Variants in CARS1 observed in about 807,000 individuals in gnomAD.
The protein encoded by CARS1 is cysteine--tRNA ligase, cytoplasmic.
Under a neutral mutation model 106.2 loss-of-function variants are expected in CARS1, and 48 were observed. That is an observed-to-expected ratio of 0.45 (90% CI 0.36 to 0.57). The LOEUF (loss-of-function observed/expected upper bound fraction) is 0.57. Ranked by LOEUF, CARS1 falls within the 20% of genes least tolerant of loss-of-function variation. The pLI is 0.00. For missense variants in CARS1, 968 were observed against 1,057.2 expected, an observed-to-expected ratio of 0.92 and a Z score of 1.17; for synonymous variants, 409 against 403.4, an observed-to-expected ratio of 1.01 and a Z score of -0.17.
Position 3,030,873 on chromosome 11 carries a change from C to A in CARS1, c.802-1430G>T, listed in dbSNP as rs956487041. Reference sequence around the variant, plus strand: ...TAACAGGCGAAACAGTCTTATCCATCCTACTGAGTGACTGTTTCACTTCCT... The same window carrying A: ...TAACAGGCGAAACAGTCTTATCCATACTACTGAGTGACTGTTTCACTTCCT... On this transcript the variant is annotated intron_variant, in intron 7 of 22. Transcript: ENST00000380525. The surrounding 1 kb of genome is among the most constrained non-coding windows in gnomAD (Gnocchi z 5.7). 13 of 152,302 alleles carry A rather than the reference C, an allele frequency of 8.5e-5. No homozygotes were observed. The highest frequency in any genetic ancestry group is 1.9e-4 in the Non-Finnish European group (13 of 68,036). 9.4% of individuals were successfully genotyped at this position (152,302 alleles called of 1,614,324 possible). A position where few individuals can be genotyped will look rare whatever the true frequency, so the allele number is the denominator to read the frequency against.
In CARS1 at chr11:3,029,896, G is replaced by C. The variant is rs1852533242; in HGVS notation, c.802-453C>G. 1 of 159,738 alleles carries C rather than the reference G, an allele frequency of 6.3e-6. No individual in the cohort carries two copies. Among genetic ancestry groups the C allele is most frequent in the South Asian group, 1.9e-4 (1 of 5,142 alleles). The allele number at this position is 159,738 out of a possible 1,614,324, so 9.9% of individuals were successfully genotyped here. ...AGATAGGCAGGGCACTGGTCCCAGA[G>C]GTCTCAAAAGCCCCATCTCCCTGAC... On this transcript the variant is annotated intron_variant, in intron 7 of 22. Coordinates refer to ENST00000380525, the MANE Select transcript of CARS1 (RefSeq NM_001014437.3). The surrounding 1 kb of genome is among the most constrained non-coding windows in gnomAD (Gnocchi z 5.9).
rs140852184 is a variant in CARS1, at chr11:3,025,879, C to T, written c.1153+797G>A. The stretch of plus-strand genomic sequence containing the variant: ...GCATCACTCGGCACACATCCCAGCA[C>T]CCCACAATCCCCCTAAACCTCACAT... On this transcript the variant is annotated intron_variant, in intron 10 of 22. Transcript: ENST00000380525. 6.1e-3 allele frequency among the ~76,000 whole-genome samples: 930 copies of T among 152,344 alleles called. 7 individuals are homozygous for T. The highest frequency in any genetic ancestry group is 0.021 in the African/African-American group (886 of 41,580).
In CARS1 at chr11:3,019,016, G is replaced by A. The variant is rs1851309135; in HGVS notation, c.1395+123C>T. 8.3e-7 allele frequency: 1 copy of A among 1,204,848 alleles called. No homozygotes were observed. Among genetic ancestry groups the A allele is most frequent in the Non-Finnish European group, 1.2e-6 (1 of 865,180 alleles). 74.6% of individuals were successfully genotyped at this position (1,204,848 alleles called of 1,614,324 possible). On this transcript the variant is annotated intron_variant, in intron 12 of 22. Transcript: ENST00000380525. This position sits in a 1 kb window ranked among gnomAD's most constrained non-coding sequence, Gnocchi z 6.2. ...ATCAGGGTTCAGATTCCACCCACAA[G>A]CCCCGATGAAGGTGTCAAGTTCTAG...
chr11:3,027,814 G>C (rs1274218913), intron 9 of CARS1: 4 of 454,742 alleles, frequency 8.8e-6, no homozygotes, highest in Non-Finnish European at 1.3e-5. Context: ...AGCGGACTGT[G>C]GTCTAGCGGT....
Position 3,046,967 on chromosome 11 carries a change from T to C in CARS1, c.274+786A>G, listed in dbSNP as rs1018138139. ...ATCATCTCAAAGAGAAAAAATGACT[T>C]ATTTCTGATTTTTAAAAAGTTCAAT... On this transcript the variant is annotated intron_variant, in intron 2 of 22. Transcript: ENST00000380525. The surrounding 1 kb of genome is among the most constrained non-coding windows in gnomAD (Gnocchi z 5.8). Among the ~76,000 whole-genome samples, 1 of 152,006 alleles carries C rather than the reference T, an allele frequency of 6.6e-6. No individual in the cohort carries two copies. The highest frequency in any genetic ancestry group is 1.5e-5 in the Non-Finnish European group (1 of 68,012).
At position 3,052,134 on chromosome 11, in the gene CARS1, G is replaced by C. The variant is rs576818538; in HGVS notation, c.26-4133C>G. Among the ~76,000 whole-genome samples, 1 of 152,348 alleles carries C rather than the reference G, an allele frequency of 6.6e-6. No homozygotes were observed. Among genetic ancestry groups the C allele is most frequent in the South Asian group, 2.1e-4 (1 of 4,834 alleles). On this transcript the variant is annotated intron_variant, in intron 1 of 22. Coordinates refer to ENST00000380525, the MANE Select transcript of CARS1 (RefSeq NM_001014437.3). This position sits in a 1 kb window ranked among gnomAD's most constrained non-coding sequence, Gnocchi z 4.6. ...AACATCAAATGTCCTAACGGCGGCTGCAGTGGCTTTTGAGCGCTGAGGAAG... is the reference window on the plus strand; with the variant it reads ...AACATCAAATGTCCTAACGGCGGCTCCAGTGGCTTTTGAGCGCTGAGGAAG...
chr11:3,019,656 C>G lies in CARS1; in HGVS notation c.1267-389G>C, dbSNP rs868184776. ...ACTAGGAGGCAGAGGTTGCAGTGAG[C>G]TGAGATCGCGCCACTGCACTCCAGC... On this transcript the variant is annotated intron_variant, in intron 11 of 22. Coordinates refer to ENST00000380525, the MANE Select transcript of CARS1 (RefSeq NM_001014437.3). This position sits in a 1 kb window ranked among gnomAD's most constrained non-coding sequence, Gnocchi z 6.2. Among the ~76,000 whole-genome samples the G allele has an allele frequency of 2.0e-5, 3 of 151,432 alleles. No individual in the cohort carries two copies. The South Asian group carries it at 6.3e-4, about 32-fold the overall frequency.
At chr11:3,042,505 A>C (rs760450338) in intron 2 of CARS1, among the ~76,000 whole-genome samples, 79 of 150,926 alleles carry the variant, frequency 5.2e-4, no homozygotes, top group Non-Finnish European at 9.8e-4. Flanking sequence ...GCTCACTGCA[A>C]GCTCTGCCTC....
chr11:3,041,244 A>C lies in CARS1; in HGVS notation c.367-260T>G. On this transcript the variant is annotated intron_variant, in intron 3 of 22. Coordinates refer to ENST00000380525, the MANE Select transcript of CARS1 (RefSeq NM_001014437.3). The surrounding 1 kb of genome is among the most constrained non-coding windows in gnomAD (Gnocchi z 4.9). ...ACTCATCTATGGAGGGAGGCGATAA[A>C]GGGAATCAATGATTTTATTGATTGT... 2.0e-6 allele frequency: 1 copy of C among 498,522 alleles called. No homozygotes were observed. Among genetic ancestry groups the C allele is most frequent in the Non-Finnish European group, 3.6e-6 (1 of 277,820 alleles). The allele number at this position is 498,522 out of a possible 1,614,324, so 30.9% of individuals were successfully genotyped here. A position where few individuals can be genotyped will look rare whatever the true frequency, so the allele number is the denominator to read the frequency against.
rs769753580 is a variant in CARS1, at chr11:3,057,337, G to T, written c.25+6C>A. 3.7e-6 allele frequency: 6 copies of T among 1,608,596 alleles called. No homozygotes were observed. The highest frequency in any genetic ancestry group is 4.2e-6 in the Non-Finnish European group (5 of 1,177,826). ...GCCCTCAGCCTGGCCCGGCCGCGCC[G>T]CTCACCCTGCTGCCCGGAGGAATCT... On this transcript the variant is annotated splice_donor_region_variant and intron_variant, in intron 1 of 22. Transcript: ENST00000380525.
rs1230699053 is a variant in CARS1 at position 3,037,362 on chromosome 11, G to A, written c.801+688C>T. 6.6e-6 allele frequency among the ~76,000 whole-genome samples: 1 copy of A among 152,252 alleles called. No homozygotes were observed. Among genetic ancestry groups the A allele is most frequent in the African/African-American group, 2.4e-5 (1 of 41,474 alleles). On this transcript the variant is annotated intron_variant, in intron 7 of 22. Transcript: ENST00000380525. The surrounding 1 kb of genome is among the most constrained non-coding windows in gnomAD (Gnocchi z 5.9). The stretch of plus-strand genomic sequence containing the variant: ...ACTGAGGTGGGGCCAGGGCAGTGGT[G>A]AGGGAAGGCAGGGCTGCGGCCTCAG...
At position 3,046,696 on chromosome 11, in the gene CARS1, C is replaced by G. The variant is rs937242131; in HGVS notation, c.274+1057G>C. Reference sequence around the variant, plus strand: ...GGAGAAGCCCCCAGAAGGCTGCCAGCTACAGCCAGGACCACCAGAAAACAG... The same window carrying G: ...GGAGAAGCCCCCAGAAGGCTGCCAGGTACAGCCAGGACCACCAGAAAACAG... On this transcript the variant is annotated intron_variant, in intron 2 of 22. Coordinates refer to ENST00000380525, the MANE Select transcript of CARS1 (RefSeq NM_001014437.3). The surrounding 1 kb of genome is among the most constrained non-coding windows in gnomAD (Gnocchi z 5.8). Among the ~76,000 whole-genome samples the G allele has an allele frequency of 7.9e-5, 12 of 152,162 alleles. No individual in the cohort carries two copies. The highest frequency in any genetic ancestry group is 1.3e-4 in the Non-Finnish European group (9 of 68,022).
intron 7 of CARS1, among the ~76,000 whole-genome samples, chr11:3,036,943 C>CA (rs1221803252): frequency 6.3e-5 from 9 of 142,146 alleles, no homozygotes; most frequent in South Asian, 4.5e-4. Context: ...CCTGTCTCTA[C>CA]AAAAAAAAAG....
intron 1 of CARS1, among the ~76,000 whole-genome samples, chr11:3,055,600 A>T (rs960747208): frequency 1.3e-5 from 2 of 152,256 alleles, no homozygotes; most frequent in African/African-American, 4.8e-5. Context: ...CTGCCCTGAC[A>T]GCCCGGAGAG....
rs994401368 is a variant in CARS1 at position 3,022,205 on chromosome 11, G to T, written c.1154-1873C>A. 6.6e-6 allele frequency among the ~76,000 whole-genome samples: 1 copy of T among 152,232 alleles called. No individual in the cohort carries two copies. The highest frequency in any genetic ancestry group is 1.5e-5 in the Non-Finnish European group (1 of 68,050). Reference sequence around the variant, plus strand: ...TGCTCCACCACTGTTCCTAGCGATAGAATCTCTAACCCTGGACCTTTTTAC... The same window carrying T: ...TGCTCCACCACTGTTCCTAGCGATATAATCTCTAACCCTGGACCTTTTTAC... On this transcript the variant is annotated intron_variant, in intron 10 of 22. Coordinates refer to ENST00000380525, the MANE Select transcript of CARS1 (RefSeq NM_001014437.3). The surrounding 1 kb of genome is among the most constrained non-coding windows in gnomAD (Gnocchi z 4.9).
Position 3,002,591 on chromosome 11 carries a change from C to T in CARS1, c.2227G>A (p.Glu743Lys). ...GCCTCCTCTTTCTTCTTCCTCTTCT[C>T]CTCTTCAACCTGGAGGGTCAATACA... ...EREEKRRVEE[E>K]KRKKKEEAAR... is the part of the protein sequence containing the mutation. Residue 743 changes from glutamate to lysine, a missense_variant, in exon 21 of 23, where the codon GAG (glutamate) becomes AAG (lysine). Coordinates refer to ENST00000380525, the MANE Select transcript of CARS1 (RefSeq NM_001014437.3). The T allele has an allele frequency of 2.5e-6, 4 of 1,614,184 alleles. No homozygotes were observed. The highest frequency in any genetic ancestry group is 3.4e-6 in the Non-Finnish European group (4 of 1,180,010).
chr11:3,029,075 G>C lies in CARS1; in HGVS notation c.952C>G (p.Pro318Ala). The stretch of plus-strand genomic sequence containing the variant: ...TCACTAACCCGGGTTAAGACATCTG[G>C]AGGGAGAACCTGTGCAAGACATGAG... ...RDMEALNVLP[P>A]DVLTRVSEYV... Residue 318 changes from proline to alanine, a missense_variant, in exon 9 of 23, where the codon CCA becomes GCA. Physicochemically the swap from Pro to Ala is conservative, Grantham distance 27. Coordinates refer to ENST00000380525, the MANE Select transcript of CARS1 (RefSeq NM_001014437.3). The surrounding 1 kb of genome is among the most constrained non-coding windows in gnomAD (Gnocchi z 5.9). The C allele has an allele frequency of 3.1e-6, 5 of 1,611,984 alleles. No homozygotes were observed. Among genetic ancestry groups the C allele is most frequent in the Non-Finnish European group, 4.2e-6 (5 of 1,178,062 alleles).
intron 2 of CARS1, among the ~76,000 whole-genome samples, chr11:3,047,002 G>A (rs1162272235): frequency 1.3e-5 from 2 of 152,166 alleles, no homozygotes; most frequent in African/African-American, 4.8e-5. Context: ...TGCCGGCCGG[G>A]CGCGGTGGTT....
At chr11:3,012,074 G>T in intron 18 of CARS1, 121 bp downstream of exon 18, 2 of 890,870 alleles carry the variant, frequency 2.2e-6, no homozygotes, top group South Asian at 1.4e-5. Context: ...TGTGGTGCAC[G>T]GGGCAGCCTT....
Sources: allele counts gnomAD v4.1 joint callset (sites outside exome capture counted in the v4.1 genomes callset), GRCh38; gene constraint gnomAD v4.1.1; non-coding constraint Gnocchi (gnomAD v3.1); transcripts MANE v1.5; gene names NCBI Gene and HGNC (gene_info 2026-07-23, HGNC 2026-07-21).